HERC2: variants seen among roughly 807,000 people sequenced by gnomAD.
HERC2 encodes the protein E3 ubiquitin-protein ligase HERC2.
HERC2 carries 102 observed loss-of-function variants against 537.7 expected under a neutral mutation model. The observed-to-expected ratio is 0.19, with a 90% CI of 0.16 to 0.22. The LOEUF (loss-of-function observed/expected upper bound fraction) is 0.22, where lower values mean the gene tolerates loss of function less well. HERC2 is among the 10% of genes least tolerant of loss of function. The pLI is 1.00. For synonymous variants in HERC2, 2,224 were observed against 2,466.2 expected, an observed-to-expected ratio of 0.90 and a Z score of 2.91; for missense variants, 4,236 against 6,198.2, an observed-to-expected ratio of 0.68 and a Z score of 10.63.
Position 28,155,357 on chromosome 15 carries a change from G to A in HERC2, c.10747-2527C>T, listed in dbSNP as rs1428713682. On this transcript the variant is annotated intron_variant, in intron 69 of 92. Transcript: ENST00000261609. ...AATCGCCACACTGTGTTCCGCAGTG[G>A]TTGAACTAGTTTACACTCCCACCAA... is the stretch of plus-strand genomic sequence containing the variant. 5.9e-5 allele frequency among the ~76,000 whole-genome samples: 9 copies of A among 152,132 alleles called. No individual in the cohort carries two copies. The East Asian group carries it at 1.7e-3, about 29-fold the overall frequency.
chr15:28,215,379 C>A (rs940811759), intron 39 of HERC2, among the ~76,000 whole-genome samples: 1 of 152,130 alleles, frequency 6.6e-6, no homozygotes, highest in African/African-American at 2.4e-5. Context: ...ACTACAAATT[C>A]TGTGAAGCAG....
At position 28,111,660 on chromosome 15, in the gene HERC2, C is replaced by T. The variant is rs1019135538; in HGVS notation, c.*103G>A. The T allele has an allele frequency of 2.3e-5, 30 of 1,278,466 alleles. No homozygotes were observed. The highest frequency in any genetic ancestry group is 3.0e-5 in the African/African-American group (2 of 67,484). The allele number at this position is 1,278,466 out of a possible 1,614,324, so 79.2% of individuals were successfully genotyped here. A position where few individuals can be genotyped will look rare whatever the true frequency, so the allele number is the denominator to read the frequency against. Reference sequence around the variant, plus strand: ...TCCCTCCTCCCGCCTGGCTCGAGGACGGACGCTTCTCATCAGACACACCAG... The same window carrying T: ...TCCCTCCTCCCGCCTGGCTCGAGGATGGACGCTTCTCATCAGACACACCAG... On this transcript the variant is annotated 3_prime_UTR_variant, in exon 93 of 93. Coordinates refer to ENST00000261609, the MANE Select transcript of HERC2 (RefSeq NM_004667.6).
At position 28,130,496 on chromosome 15, in the gene HERC2, T is replaced by C. The variant is rs763598767; in HGVS notation, c.12662+7A>G. ...TAGTGGGTTTAAACAAACAGAATCT[T>C]GCGTACCAGGTATAAACAGCTCCAG... On this transcript the variant is annotated splice_region_variant and intron_variant, in intron 82 of 92. Coordinates refer to ENST00000261609, the MANE Select transcript of HERC2 (RefSeq NM_004667.6). 49 of 1,612,670 alleles carry C rather than the reference T, an allele frequency of 3.0e-5. No individual in the cohort carries two copies. Among genetic ancestry groups the C allele is most frequent in the Non-Finnish European group, 4.1e-5 (48 of 1,178,796 alleles).
At chr15:28,213,050 AAAAATAC>A (rs1466441600) in intron 42 of HERC2, among the ~76,000 whole-genome samples, 2 of 143,860 alleles carry the variant, frequency 1.4e-5, no homozygotes, top group Non-Finnish European at 3.0e-5. Context: ...CATCTCTACT[AAAAATAC>A]AAAATTAGCC....
In HERC2 at chr15:28,214,242, G is replaced by A. The variant is rs751735371; in HGVS notation, c.6389C>T (p.Pro2130Leu). 29 of 1,611,690 alleles carry A rather than the reference G, an allele frequency of 1.8e-5. No individual in the cohort carries two copies. The highest frequency in any genetic ancestry group is 5.3e-5 in the African/African-American group (4 of 74,860). ...GTGGGTGGCAGTCAGCGAGGCCTGC[G>A]GGCGCACCCTGCGCCGCCTCAGCGT... ...ESTLRRRRVR[P>L]QASLTATHSS... The change falls in exon 41 of 93, where the codon CCG becomes CTG. Residue 2130 changes from proline to leucine, a missense_variant. By Grantham distance (98) the Pro-to-Leu change is moderately conservative. Around this residue, in one of 27 missense-constraint regions of HERC2, gnomAD observed 365 missense variants for 468.8 expected, o/e 0.78. Coordinates refer to ENST00000261609, the MANE Select transcript of HERC2 (RefSeq NM_004667.6).
chr15:28,256,285 C>T lies in HERC2; in HGVS notation c.2550G>A (p.Pro850=), dbSNP rs1241504871. The T allele has an allele frequency of 1.5e-5, 24 of 1,596,512 alleles. No homozygotes were observed. The East Asian group carries it at 1.6e-4, about 10-fold the overall frequency. Residue 850 remains proline, a synonymous_variant, in exon 18 of 93, where the codon CCG becomes CCA. Transcript: ENST00000261609. Reference sequence around the variant, plus strand: ...TGCCCAGACCTAAACCAAGGAATTCCGGGTCAACCTGGTGACTAATGGCAG... The same window carrying T: ...TGCCCAGACCTAAACCAAGGAATTCTGGGTCAACCTGGTGACTAATGGCAG... The part of the protein sequence containing the change: ...LHAAISHQVD[P]EFLGLGLGSI...
At chr15:28,244,489 G>A (rs533292230) in intron 23 of HERC2, among the ~76,000 whole-genome samples, 5 of 152,270 alleles carry the variant, frequency 3.3e-5, no homozygotes, top group African/African-American at 9.6e-5. Context: ...GTCCGAGTTT[G>A]GGAGGGTCCT....
chr15:28,213,855 G>C lies in HERC2; in HGVS notation c.6673C>G (p.His2225Asp). The C allele has an allele frequency of 1.9e-6, 3 of 1,614,024 alleles. No individual in the cohort carries two copies. The highest frequency in any genetic ancestry group is 2.5e-6 in the Non-Finnish European group (3 of 1,179,914). Residue 2225 changes from histidine (H) to aspartate (D), a missense_variant, in exon 42 of 93, where the codon CAC (histidine) becomes GAC (aspartate). His to Asp is a moderately conservative substitution (Grantham distance 81). Transcript: ENST00000261609. ...ACAGTGCCTTCTCCAAACTCATCGT[G>C]CATAACTTGACCGCCCAGGCGCAGG... Reference protein sequence around the residue: ...GRLRLGGQVMHDEFGEGTVTR... With the variant: ...GRLRLGGQVMDDEFGEGTVTR...
intron 84 of HERC2, among the ~76,000 whole-genome samples, chr15:28,124,757 C>T (rs937477281): frequency 6.6e-6 from 1 of 152,226 alleles, no homozygotes; most frequent in Non-Finnish European, 1.5e-5. Flanking sequence ...GCTATGTTGT[C>T]CAGGCTGGTC....
chr15:28,173,275 T>C (rs1189692816), intron 65 of HERC2, among the ~76,000 whole-genome samples: 1 of 152,194 alleles, frequency 6.6e-6, no homozygotes, highest in East Asian at 1.9e-4. Flanking sequence ...TATGGAAATG[T>C]CCATTAGCAA....
At chr15:28,162,400 T>A (rs1893697145) in intron 69 of HERC2, among the ~76,000 whole-genome samples, 1 of 151,846 alleles carries the variant, frequency 6.6e-6, no homozygotes, top group Admixed American at 6.6e-5. Flanking sequence ...TTTTTCAGCA[T>A]AATACAAAAC....
At chr15:28,271,423 G>A (rs1192141608) in intron 9 of HERC2, among the ~76,000 whole-genome samples, 1 of 152,212 alleles carries the variant, frequency 6.6e-6, no homozygotes. Flanking sequence ...AGCACTTTGG[G>A]AGGGCCAGGC....
At chr15:28,270,890 A>G in intron 9 of HERC2, 22 bp from the exon 10 acceptor site, 1 of 1,605,870 alleles carries the variant, frequency 6.2e-7, no homozygotes, top group Non-Finnish European at 8.5e-7. Flanking sequence ...AAGTAAACAA[A>G]AATTCAGAAA....
rs1046921203 is a variant in HERC2, at chr15:28,265,232, G to T, written c.1870+386C>A. ...CACAAACATAAAACCAAAATTCAAA[G>T]CAAGCAGATACCGTAGCATCAGACT... On this transcript the variant is annotated intron_variant, in intron 14 of 92. Coordinates refer to ENST00000261609, the MANE Select transcript of HERC2 (RefSeq NM_004667.6). The surrounding 1 kb of genome is among the most constrained non-coding windows in gnomAD (Gnocchi z 4.0). Among the ~76,000 whole-genome samples, 9 of 152,058 alleles carry T rather than the reference G, an allele frequency of 5.9e-5. No individual in the cohort carries two copies. The highest frequency in any genetic ancestry group is 2.1e-4 in the South Asian group (1 of 4,822).
intron 4 of HERC2, among the ~76,000 whole-genome samples, chr15:28,289,443 G>A (rs116242992): frequency 0.034 from 5,230 of 152,004 alleles, 198 homozygotes; most frequent in African/African-American, 0.093. Flanking sequence ...GCAGAGCTGA[G>A]AGAAAATAAT....
chr15:28,113,403 C>G lies in HERC2; in HGVS notation c.14020-120G>C. The stretch of plus-strand genomic sequence containing the variant: ...TGGGGTGGGGAAAGGTCTGGGGGCT[C>G]TGGGTGGGCCCACACACAGCCTCCT... On this transcript the variant is annotated intron_variant, in intron 91 of 92. Transcript: ENST00000261609. This position sits in a 1 kb window ranked among gnomAD's most constrained non-coding sequence, Gnocchi z 7.0. 1 of 1,177,718 alleles carries G rather than the reference C, an allele frequency of 8.5e-7. No homozygotes were observed. 73.0% of individuals were successfully genotyped at this position (1,177,718 alleles called of 1,614,324 possible). A position where few individuals can be genotyped will look rare whatever the true frequency, so the allele number is the denominator to read the frequency against.
At chr15:28,153,725 A>C (rs1892696570) in intron 69 of HERC2, among the ~76,000 whole-genome samples, 1 of 152,246 alleles carries the variant, frequency 6.6e-6, no homozygotes, top group South Asian at 2.1e-4. Flanking sequence ...CAGCTGATAA[A>C]ATGAAACACC....
chr15:28,301,769 A>ATATATATATATATATATATATG (rs1567140315), intron 2 of HERC2, among the ~76,000 whole-genome samples: 1 of 108,648 alleles, frequency 9.2e-6, no homozygotes, highest in Non-Finnish European at 1.8e-5. Flanking sequence ...ATATATATAT[A>ATATATATATATATATATATATG]TATATATATA....
rs1462022264 is a variant in HERC2, at chr15:28,321,483, G to C, written c.-31-19C>G. On this transcript the variant is annotated intron_variant, in intron 1 of 92. Transcript: ENST00000261609. ...CTCAGGCCTGCAAGTAAACACATAC[G>C]CTGAAGACCTAACGCTTTTTAATAG... The C allele has an allele frequency of 1.9e-6, 2 of 1,062,636 alleles. No individual in the cohort carries two copies. The highest frequency in any genetic ancestry group is 2.8e-6 in the Non-Finnish European group (2 of 702,674). The allele number at this position is 1,062,636 out of a possible 1,614,324, so 65.8% of individuals were successfully genotyped here. A position where few individuals can be genotyped will look rare whatever the true frequency, so the allele number is the denominator to read the frequency against.
Sources: gnomAD v4.1 joint callset for allele counts (sites outside exome capture counted in the v4.1 genomes callset) on GRCh38, gnomAD v4.1.1 for gene constraint, gnomAD v4.1.1 regional missense constraint, Gnocchi (gnomAD v3.1) non-coding constraint, MANE v1.5 for transcripts, NCBI Gene and HGNC (gene_info 2026-07-23, HGNC 2026-07-21) for gene names.